Variants in PTPRK observed in about 807,000 individuals in gnomAD.
The protein encoded by PTPRK is receptor-type tyrosine-protein phosphatase kappa.
A neutral mutation model predicts 178.0 loss-of-function variants in PTPRK; 75 were observed. The observed-to-expected ratio is 0.42, with a 90% CI of 0.35 to 0.51. The LOEUF (loss-of-function observed/expected upper bound fraction) is 0.51, where lower values mean the gene tolerates loss of function less well. Ranked by LOEUF, PTPRK falls within the 20% of genes least tolerant of loss-of-function variation. PTPRK has a pLI of 0.02. For synonymous variants in PTPRK, 637 were observed against 620.6 expected, an observed-to-expected ratio of 1.03 and a Z score of -0.39; for missense variants, 1,441 against 1,797.8, an observed-to-expected ratio of 0.80 and a Z score of 3.59.
intron 6 of PTPRK, among the ~76,000 whole-genome samples, chr6:128,187,901 A>T (rs1390791883): frequency 1.3e-5 from 2 of 152,206 alleles, no homozygotes; most frequent in Admixed American, 6.5e-5. Flanking sequence ...GCTTTATATT[A>T]GCATATGTAT....
intron 27 of PTPRK, among the ~76,000 whole-genome samples, chr6:127,975,677 T>A (rs1774470408): frequency 6.6e-6 from 1 of 152,202 alleles, no homozygotes; most frequent in Non-Finnish European, 1.5e-5. Context: ...TTGTTTTTAT[T>A]AATATCTTTT....
intron 19 of PTPRK, among the ~76,000 whole-genome samples, chr6:127,992,159 C>T (rs1404170687): frequency 6.6e-6 from 1 of 151,746 alleles, no homozygotes; most frequent in Non-Finnish European, 1.5e-5. Context: ...CAGTGTACCA[C>T]TATAACAAGA....
At chr6:128,291,105 T>C (rs1823310154) in intron 3 of PTPRK, among the ~76,000 whole-genome samples, 1 of 152,094 alleles carries the variant, frequency 6.6e-6, no homozygotes, top group Admixed American at 6.6e-5. Flanking sequence ...AACCTTGGAT[T>C]ACCCAGGTGG....
At chr6:127,978,074 G>A (rs765752608) in intron 25 of PTPRK, among the ~76,000 whole-genome samples, 3 of 152,162 alleles carry the variant, frequency 2.0e-5, no homozygotes, top group Non-Finnish European at 4.4e-5. Context: ...ACCAACCATG[G>A]CATTCAGCGT....
intron 3 of PTPRK, among the ~76,000 whole-genome samples, chr6:128,278,752 T>TA (rs1348326177): frequency 6.6e-6 from 1 of 152,140 alleles, no homozygotes; most frequent in African/African-American, 2.4e-5. Flanking sequence ...CACAAGACTA[T>TA]AAAAAACATC....
chr6:128,381,688 T>C (rs1306166613), intron 2 of PTPRK, among the ~76,000 whole-genome samples: 1 of 152,048 alleles, frequency 6.6e-6, no homozygotes, highest in Non-Finnish European at 1.5e-5. Flanking sequence ...GAGAGAGAAA[T>C]GTTATTATTC....
intron 20 of PTPRK, among the ~76,000 whole-genome samples, 182 bp from the exon 21 acceptor site, chr6:127,991,067 T>G (rs1374499960): frequency 4.6e-5 from 7 of 152,014 alleles, no homozygotes; most frequent in Non-Finnish European, 1.5e-5. Flanking sequence ...TATACAAGCC[T>G]GATAATGCAG....
At chr6:128,006,229 T>C (rs1038664101) in intron 14 of PTPRK, among the ~76,000 whole-genome samples, 1 of 151,092 alleles carries the variant, frequency 6.6e-6, no homozygotes, top group African/African-American at 2.4e-5. Flanking sequence ...TTAGTTTTTT[T>C]TGCCATGCAA....
intron 13 of PTPRK, among the ~76,000 whole-genome samples, chr6:128,061,876 A>G (rs2114917348): frequency 6.6e-6 from 1 of 152,284 alleles, no homozygotes; most frequent in East Asian, 1.9e-4. Context: ...TACTTTACCT[A>G]TCTACCTATA....
chr6:128,501,340 A>G (rs1413227853), intron 1 of PTPRK, among the ~76,000 whole-genome samples: 1 of 152,172 alleles, frequency 6.6e-6, no homozygotes, highest in Non-Finnish European at 1.5e-5. Flanking sequence ...AAAATAAGTC[A>G]TAAGTCACTT....
chr6:128,152,349 C>T (rs996205718), intron 7 of PTPRK, among the ~76,000 whole-genome samples: 3 of 151,942 alleles, frequency 2.0e-5, no homozygotes, highest in Admixed American at 2.0e-4. Context: ...CTACTAGAAC[C>T]AATGAGCACA....
chr6:128,238,275 TC>T (rs1370768104), intron 5 of PTPRK: 4 of 367,404 alleles, frequency 1.1e-5, no homozygotes, highest in Non-Finnish European at 2.1e-5. Flanking sequence ...TTACCTCTCA[TC>T]TTTGCTACAA....
At chr6:128,261,413 A>G (rs1818160210) in intron 3 of PTPRK, among the ~76,000 whole-genome samples, 1 of 152,222 alleles carries the variant, frequency 6.6e-6, no homozygotes, top group Admixed American at 6.5e-5. Context: ...ATATGGTGAA[A>G]CACTACATTG....
At chr6:128,213,064 C>T (rs1021002462) in intron 6 of PTPRK, among the ~76,000 whole-genome samples, 4 of 151,950 alleles carry the variant, frequency 2.6e-5, no homozygotes, top group African/African-American at 9.7e-5. Context: ...CTTAAATAAA[C>T]ATAGATACTA....
intron 13 of PTPRK, among the ~76,000 whole-genome samples, chr6:128,010,686 C>A (rs932792965): frequency 6.6e-6 from 1 of 151,196 alleles, no homozygotes; most frequent in South Asian, 2.1e-4. Context: ...GTGAGAAAGA[C>A]ATAGCTCAAA....
chr6:128,442,617 C>T (rs1357907389), intron 1 of PTPRK, among the ~76,000 whole-genome samples: 1 of 152,184 alleles, frequency 6.6e-6, no homozygotes, highest in South Asian at 2.1e-4. Flanking sequence ...AAACACCTAT[C>T]TCATTTCTCC....
chr6:128,439,174 G>T (rs1845983215), intron 1 of PTPRK, among the ~76,000 whole-genome samples: 1 of 152,096 alleles, frequency 6.6e-6, no homozygotes, highest in African/African-American at 2.4e-5. Context: ...GAGCAAAATT[G>T]ATTGAACAGT....
At chr6:128,160,042 A>T (rs1583273813) in intron 7 of PTPRK, among the ~76,000 whole-genome samples, 1 of 151,740 alleles carries the variant, frequency 6.6e-6, no homozygotes, top group Admixed American at 6.6e-5. Flanking sequence ...ATTCTTCTTC[A>T]AAATTATTCT....
chr6:128,266,975 G>A lies in PTPRK; in HGVS notation c.496-24373C>T, dbSNP rs990091687. Among the ~76,000 whole-genome samples, 4 of 152,104 alleles carry A rather than the reference G, an allele frequency of 2.6e-5. No individual in the cohort carries two copies. The East Asian group carries it at 7.7e-4, about 29-fold the overall frequency. On this transcript the variant is annotated intron_variant, in intron 3 of 29. Transcript: ENST00000368226. Reference sequence around the variant, plus strand: ...TATTCTAGAAATCATCAACTGTAAGGAAACTTATTTATTATGATATTGAAC... The same window carrying A: ...TATTCTAGAAATCATCAACTGTAAGAAAACTTATTTATTATGATATTGAAC...
Sources: gnomAD v4.1 joint callset for allele counts (sites outside exome capture counted in the v4.1 genomes callset) on GRCh38, gnomAD v4.1.1 for gene constraint, MANE v1.5 for transcripts, NCBI Gene and HGNC (gene_info 2026-07-23, HGNC 2026-07-21) for gene names.